ARHGAP44: variants seen among roughly 807,000 people sequenced by gnomAD.
ARHGAP44 encodes Rho GTPase activating protein 44.
Under a neutral mutation model 106.8 loss-of-function variants are expected in ARHGAP44, and 43 were observed. That is an observed-to-expected ratio of 0.40 (90% CI 0.32 to 0.52). The LOEUF is 0.52. ARHGAP44 is among the 20% of genes least tolerant of loss of function. The pLI is 0.48. For synonymous variants in ARHGAP44, 439 were observed against 410.3 expected, an observed-to-expected ratio of 1.07 and a Z score of -0.85; for missense variants, 866 against 1,050.5, an observed-to-expected ratio of 0.82 and a Z score of 2.43.
At chr17:12,877,570 G>A (rs1470440530) in intron 1 of ARHGAP44, among the ~76,000 whole-genome samples, 3 of 152,118 alleles carry the variant, frequency 2.0e-5, no homozygotes, top group African/African-American at 2.4e-5. Context: ...CTAACACGGC[G>A]AAATCCCGTC....
chr17:12,878,642 C>T (rs1273395488), intron 1 of ARHGAP44, among the ~76,000 whole-genome samples: 1 of 152,152 alleles, frequency 6.6e-6, no homozygotes. Flanking sequence ...CGCTGCGTTT[C>T]CTTGAAGGTT....
At chr17:12,973,175 C>T in intron 16 of ARHGAP44, 127 bp from the exon 17 acceptor site, 1 of 900,682 alleles carries the variant, frequency 1.1e-6, no homozygotes, top group Non-Finnish European at 1.7e-6. Context: ...AATTTTATAG[C>T]ACAATAAAAA....
chr17:12,791,641 G>A (rs1724635637), intron 1 of ARHGAP44, among the ~76,000 whole-genome samples: 1 of 152,112 alleles, frequency 6.6e-6, no homozygotes, highest in Non-Finnish European at 1.5e-5. Flanking sequence ...TTGCGCCATG[G>A]CATCATATCT....
chr17:12,872,598 T>C (rs1442404470), intron 1 of ARHGAP44, among the ~76,000 whole-genome samples: 1 of 152,236 alleles, frequency 6.6e-6, no homozygotes, highest in African/African-American at 2.4e-5. Context: ...AGCATCGATA[T>C]TGCTGATAAA....
At chr17:12,939,250 T>G (rs944010060) in intron 7 of ARHGAP44, among the ~76,000 whole-genome samples, 1 of 152,106 alleles carries the variant, frequency 6.6e-6, no homozygotes, top group Admixed American at 6.5e-5. Flanking sequence ...AGCCTTGATT[T>G]TTTTTTTCAT....
At chr17:12,802,006 A>T (rs2034108751) in intron 1 of ARHGAP44, among the ~76,000 whole-genome samples, 1 of 152,200 alleles carries the variant, frequency 6.6e-6, no homozygotes. Flanking sequence ...ATATGTTTCC[A>T]GTTGCCTTGA....
At chr17:12,836,476 T>C (rs1418889438) in intron 1 of ARHGAP44, among the ~76,000 whole-genome samples, 1 of 151,468 alleles carries the variant, frequency 6.6e-6, no homozygotes, top group Non-Finnish European at 1.5e-5. Context: ...GGCGGAACAC[T>C]GTCTCTACTA....
intron 1 of ARHGAP44, among the ~76,000 whole-genome samples, chr17:12,892,964 CTT>C (rs975626776): frequency 6.6e-6 from 1 of 150,902 alleles, no homozygotes; most frequent in South Asian, 2.2e-4. Context: ...AATCTATTGT[CTT>C]TTTTTCTTTC....
At position 12,980,100 on chromosome 17, in the gene ARHGAP44, A is replaced by G. The variant is rs373370810; in HGVS notation, c.1806A>G (p.Lys602=). 6 of 1,613,506 alleles carry G rather than the reference A, an allele frequency of 3.7e-6. No individual in the cohort carries two copies. The African/African-American group carries it at 6.7e-5, about 18-fold the overall frequency. The part of the protein sequence containing the change: ...SKELSPGSAQ[K]GSPGSSQGTA... Reference sequence around the variant, plus strand: ...AACTTTCTCCAGGCTCTGCACAGAAAGGAAGTCCAGGCTCCAGCCAGGGCA... The same window carrying G: ...AACTTTCTCCAGGCTCTGCACAGAAGGGAAGTCCAGGCTCCAGCCAGGGCA... The change falls in exon 19 of 21, where the codon AAA becomes AAG. Residue 602 remains lysine, a synonymous_variant. Transcript: ENST00000379672.
chr17:12,964,106 T>G (rs2039333165), intron 16 of ARHGAP44, among the ~76,000 whole-genome samples: 1 of 152,388 alleles, frequency 6.6e-6, no homozygotes, highest in East Asian at 1.9e-4. Context: ...CTTTTTAAGC[T>G]CTTTCTTAGA....
intron 1 of ARHGAP44, among the ~76,000 whole-genome samples, chr17:12,881,065 T>G (rs1339307860): frequency 6.6e-6 from 1 of 151,942 alleles, no homozygotes; most frequent in Non-Finnish European, 1.5e-5. Flanking sequence ...TTTAGCTCAT[T>G]TTTTTTAGGG....
rs1428522865 is a variant in ARHGAP44, at chr17:12,991,312, AT to A, written c.*1142del. Reference sequence around the variant, plus strand: ...ATCCTTTTCAAATAGATGATATAATATACCTATACATGATATAATATTTGTA... The same window carrying A: ...ATCCTTTTCAAATAGATGATATAATAACCTATACATGATATAATATTTGTA... On this transcript the variant is annotated 3_prime_UTR_variant, in exon 21 of 21. Coordinates refer to ENST00000379672, the MANE Select transcript of ARHGAP44 (RefSeq NM_014859.6). 2.0e-5 allele frequency: 3 copies of A among 152,810 alleles called. No individual in the cohort carries two copies. The highest frequency in any genetic ancestry group is 7.2e-5 in the African/African-American group (3 of 41,470). The allele number at this position is 152,810 out of a possible 1,614,324, so 9.5% of individuals were successfully genotyped here. A position where few individuals can be genotyped will look rare whatever the true frequency, so the allele number is the denominator to read the frequency against.
At chr17:12,803,734 G>T (rs1385027135) in intron 1 of ARHGAP44, among the ~76,000 whole-genome samples, 1 of 151,694 alleles carries the variant, frequency 6.6e-6, no homozygotes, top group Non-Finnish European at 1.5e-5. Context: ...CTGACTTCCC[G>T]CAACACAGCC....
chr17:12,882,992 T>A (rs2036783194), intron 1 of ARHGAP44, among the ~76,000 whole-genome samples: 1 of 151,992 alleles, frequency 6.6e-6, no homozygotes, highest in Non-Finnish European at 1.5e-5. Context: ...TTTGTATAAG[T>A]TTAGAAAGAA....
chr17:12,805,999 C>A (rs182352658), intron 1 of ARHGAP44, among the ~76,000 whole-genome samples: 2 of 152,168 alleles, frequency 1.3e-5, no homozygotes, highest in Non-Finnish European at 2.9e-5. Flanking sequence ...GCAGTGGCAA[C>A]GGACAGATGA....
At chr17:12,940,407 T>A (rs754642719) in intron 7 of ARHGAP44, among the ~76,000 whole-genome samples, 1 of 152,140 alleles carries the variant, frequency 6.6e-6, no homozygotes, top group Non-Finnish European at 1.5e-5. Context: ...GACAAAACAT[T>A]CCAGATTTCA....
intron 1 of ARHGAP44, among the ~76,000 whole-genome samples, chr17:12,803,261 C>T (rs897686215): frequency 2.6e-5 from 4 of 151,696 alleles, no homozygotes; most frequent in Admixed American, 6.6e-5. Context: ...CGTGAGCTAC[C>T]GCGCCCAGCC....
At chr17:12,838,575 CA>C (rs2035303268) in intron 1 of ARHGAP44, among the ~76,000 whole-genome samples, 2 of 152,224 alleles carry the variant, frequency 1.3e-5, no homozygotes, top group South Asian at 2.1e-4. Flanking sequence ...TGGAGGGAAT[CA>C]GGGGTGACGT....
chr17:12,929,105 CT>C (rs751479728), intron 7 of ARHGAP44, 59 bp downstream of exon 7: 39 of 1,477,496 alleles, frequency 2.6e-5, no homozygotes, highest in Non-Finnish European at 3.2e-5. Context: ...CAGGGATTCC[CT>C]TTTTGTTCAC....
Sources: allele counts gnomAD v4.1 joint callset (sites outside exome capture counted in the v4.1 genomes callset), GRCh38; gene constraint gnomAD v4.1.1; transcripts MANE v1.5; gene names NCBI Gene and HGNC (gene_info 2026-07-23, HGNC 2026-07-21).